HSD11B1L: variants seen among roughly 807,000 people sequenced by gnomAD.
HSD11B1L encodes the protein hydroxysteroid 11-beta-dehydrogenase 1-like protein.
A neutral mutation model predicts 27.0 loss-of-function variants in HSD11B1L; 22 were observed. The observed-to-expected ratio is 0.81, with a 90% CI of 0.58 to 1.16. The LOEUF is 1.16. Among genes scored for constraint, HSD11B1L ranks in the 50% most tolerant of loss-of-function variants. The pLI is 0.00. For missense variants in HSD11B1L, 372 were observed against 401.8 expected (o/e 0.93, Z 0.63); for synonymous variants, 187 against 189.2 (o/e 0.99, Z 0.09).
At position 5,687,870 on chromosome 19, in the gene HSD11B1L, G is replaced by C. The variant is rs781314607; in HGVS notation, c.786G>C (p.Leu262Phe). The change falls in exon 8 of 8, where the codon TTG (leucine) becomes TTC (phenylalanine). Residue 262 changes from leucine to phenylalanine, a missense_variant. Leu to Phe is a conservative substitution (Grantham distance 22). Transcript: ENST00000339423. This position sits in a 1 kb window ranked among gnomAD's most constrained non-coding sequence, Gnocchi z 6.6. ...CGTGGCGTTTCCGCCTGCTGTGCTT[G>C]CTCCGGCGCTGGCTACCGCGCCCGC... ...FYPWRFRLLC[L>F]LRRWLPRPRA... is the part of the protein sequence containing the mutation. 2.7e-5 allele frequency: 43 copies of C among 1,580,348 alleles called. No individual in the cohort carries two copies. The highest frequency in any genetic ancestry group is 3.6e-5 in the Non-Finnish European group (42 of 1,164,304).
chr19:5,682,530 C>T (rs1386459100), intron 1 of HSD11B1L, among the ~76,000 whole-genome samples: 1 of 152,012 alleles, frequency 6.6e-6, no homozygotes, highest in East Asian at 1.9e-4. Context: ...GAGGACAATA[C>T]CTGGGTCTCC....
In HSD11B1L at chr19:5,687,312, T is replaced by C. The variant is rs1360072918; in HGVS notation, c.439T>C (p.Ser147Pro). Residue 147 changes from serine (S) to proline (P), a missense_variant, in exon 6 of 8, where the codon TCG becomes CCG. Coordinates refer to ENST00000339423, the MANE Select transcript of HSD11B1L (RefSeq NM_198706.3). This position sits in a 1 kb window ranked among gnomAD's most constrained non-coding sequence, Gnocchi z 6.6. The stretch of plus-strand genomic sequence containing the variant: ...CTTTGTGAGCTACGTGCAACTGACG[T>C]CGCGGGCGCTGCCCAGCCTGACGGA... ...VNFVSYVQLT[S>P]RALPSLTDSK... is the part of the protein sequence containing the mutation. The C allele has an allele frequency of 1.9e-6, 3 of 1,612,666 alleles. No homozygotes were observed. In the Admixed American group the frequency reaches 5.0e-5, roughly 27 times the overall value.
intron 1 of HSD11B1L, chr19:5,684,044 C>T (rs1054173078): frequency 3.5e-5 from 17 of 485,566 alleles, no homozygotes; most frequent in African/African-American, 1.4e-4. Context: ...TGGCAAATCT[C>T]GGCACACTAC....
rs2054692547 is a variant in HSD11B1L at position 5,686,416 on chromosome 19, G to C, written c.205G>C (p.Val69Leu). The change falls in exon 4 of 8, where the codon GTG becomes CTG. Residue 69 changes from valine to leucine, a missense_variant and splice_region_variant. Coordinates refer to ENST00000339423, the MANE Select transcript of HSD11B1L (RefSeq NM_198706.3). ...CACGGGCAGCTCTGGCCCCCCCCAGGTGGTAGGGAACTGCCGGAAGCTGGG... is the reference window on the plus strand; with the variant it reads ...CACGGGCAGCTCTGGCCCCCCCCAGCTGGTAGGGAACTGCCGGAAGCTGGG... ...TAHTEALLQK[V>L]VGNCRKLGAP... 1.3e-6 allele frequency: 2 copies of C among 1,565,482 alleles called. No individual in the cohort carries two copies. Among genetic ancestry groups the C allele is most frequent in the Non-Finnish European group, 1.7e-6 (2 of 1,155,524 alleles).
chr19:5,686,008 T>G (rs955243349), intron 3 of HSD11B1L, among the ~76,000 whole-genome samples: 1 of 152,178 alleles, frequency 6.6e-6, no homozygotes, highest in African/African-American at 2.4e-5. Context: ...ATGAGAGTAT[T>G]GAGTGTCCAG....
At position 5,688,058 on chromosome 19, in the gene HSD11B1L, A is replaced by C; in HGVS notation, c.*113A>C. 6.4e-7 allele frequency: 1 copy of C among 1,551,562 alleles called. No homozygotes were observed. The highest frequency in any genetic ancestry group is 8.7e-7 in the Non-Finnish European group (1 of 1,146,982). On this transcript the variant is annotated 3_prime_UTR_variant, in exon 8 of 8. Transcript: ENST00000339423. ...GAGAGGGTGGCCACAGCCCAAGATG[A>C]AGTCATCAAGACAGAAAAGCAAAAC... is the stretch of plus-strand genomic sequence containing the variant.
At position 5,686,411 on chromosome 19, in the gene HSD11B1L, C is replaced by G. The variant is rs752901141; in HGVS notation, c.205-5C>G. 25 of 1,557,654 alleles carry G rather than the reference C, an allele frequency of 1.6e-5. No individual in the cohort carries two copies. The highest frequency in any genetic ancestry group is 1.8e-4 in the Middle Eastern group (1 of 5,554). On this transcript the variant is annotated splice_polypyrimidine_tract_variant and splice_region_variant and intron_variant, in intron 3 of 7. Transcript: ENST00000339423. ...AGGCCCACGGGCAGCTCTGGCCCCC[C>G]CCAGGTGGTAGGGAACTGCCGGAAG...
rs1278451607 is a variant in HSD11B1L at position 5,687,794 on chromosome 19, C to G, written c.710C>G (p.Ala237Gly). 2 of 1,510,034 alleles carry G rather than the reference C, an allele frequency of 1.3e-6. No individual in the cohort carries two copies. Among genetic ancestry groups the G allele is most frequent in the Admixed American group, 2.3e-5 (1 of 44,064 alleles). 93.5% of individuals were successfully genotyped at this position (1,510,034 alleles called of 1,614,324 possible). The change falls in exon 8 of 8, where the codon GCC becomes GGC. Residue 237 changes from alanine to glycine, a missense_variant. Coordinates refer to ENST00000339423, the MANE Select transcript of HSD11B1L (RefSeq NM_198706.3). This position sits in a 1 kb window ranked among gnomAD's most constrained non-coding sequence, Gnocchi z 6.6. ...RVKAAPGPKA[A>G]LAVIRGGATR... ...AAGGCGGCCCCGGGGCCCAAGGCAGCCCTGGCCGTGATCCGCGGCGGCGCC... is the reference window on the plus strand; with the variant it reads ...AAGGCGGCCCCGGGGCCCAAGGCAGGCCTGGCCGTGATCCGCGGCGGCGCC...
Position 5,687,504 on chromosome 19 carries a change from C to A in HSD11B1L, c.504C>A (p.Gly168=). 6.3e-7 allele frequency: 1 copy of A among 1,595,860 alleles called. No homozygotes were observed. The highest frequency in any genetic ancestry group is 8.5e-7 in the Non-Finnish European group (1 of 1,177,370). The change falls in exon 7 of 8, where the codon GGC becomes GGA. Residue 168 remains glycine, a splice_region_variant and synonymous_variant. Transcript: ENST00000339423. This position sits in a 1 kb window ranked among gnomAD's most constrained non-coding sequence, Gnocchi z 6.6. ...GSLVVVSSLL[G]RVPTSFSTPY... ...AGCCGCTGCCGTCCGCGCCCCCAGGCCGCGTGCCCACGTCGTTCTCCACTC... is the reference window on the plus strand; with the variant it reads ...AGCCGCTGCCGTCCGCGCCCCCAGGACGCGTGCCCACGTCGTTCTCCACTC...
chr19:5,683,502 A>G (rs8102068), intron 1 of HSD11B1L, among the ~76,000 whole-genome samples: 5,826 of 152,266 alleles, frequency 0.038, 401 homozygotes, highest in African/African-American at 0.13. Flanking sequence ...TGGGCCCTGA[A>G]GACCCAATAG....
In HSD11B1L at chr19:5,687,063, C is replaced by T. The variant is rs963122358; in HGVS notation, c.408+72C>T. ...CCGGTGGTCCGTTCCCTTCGCGGTCCGGGTTCTGCCTTCTCCAGGGAGGGC... is the reference window on the plus strand; with the variant it reads ...CCGGTGGTCCGTTCCCTTCGCGGTCTGGGTTCTGCCTTCTCCAGGGAGGGC... On this transcript the variant is annotated intron_variant, in intron 5 of 7. Coordinates refer to ENST00000339423, the MANE Select transcript of HSD11B1L (RefSeq NM_198706.3). This position sits in a 1 kb window ranked among gnomAD's most constrained non-coding sequence, Gnocchi z 6.6. The T allele has an allele frequency of 1.5e-6, 2 of 1,357,498 alleles. No individual in the cohort carries two copies. The highest frequency in any genetic ancestry group is 2.0e-6 in the Non-Finnish European group (2 of 989,464). The allele number at this position is 1,357,498 out of a possible 1,614,324, so 84.1% of individuals were successfully genotyped here.
At chr19:5,682,196 CCT>C (rs2054572746) in intron 1 of HSD11B1L, among the ~76,000 whole-genome samples, 1 of 152,134 alleles carries the variant, frequency 6.6e-6, no homozygotes. Context: ...AGTGGGGACC[CCT>C]GAGAGGGTTT....
intron 4 of HSD11B1L, 46 bp downstream of exon 4, chr19:5,686,573 G>A: frequency 2.1e-6 from 3 of 1,456,792 alleles, no homozygotes; most frequent in Non-Finnish European, 1.9e-6. Flanking sequence ...CGTGGCCTAG[G>A]CCTTAGGGAC....
Position 5,688,295 on chromosome 19 carries a change from G to A in HSD11B1L, c.*350G>A, listed in dbSNP as rs1015652164. The A allele has an allele frequency of 5.8e-5, 57 of 983,944 alleles. No individual in the cohort carries two copies. The highest frequency in any genetic ancestry group is 9.9e-5 in the African/African-American group (6 of 60,838). The allele number at this position is 983,944 out of a possible 1,614,324, so 61.0% of individuals were successfully genotyped here. A position where few individuals can be genotyped will look rare whatever the true frequency, so the allele number is the denominator to read the frequency against. ...GGACCCCTCTCCATCTCCTGCCTGCGCCTTTAAGTCCCTGATTTATTCTTT... is the reference window on the plus strand; with the variant it reads ...GGACCCCTCTCCATCTCCTGCCTGCACCTTTAAGTCCCTGATTTATTCTTT... On this transcript the variant is annotated 3_prime_UTR_variant, in exon 8 of 8. Transcript: ENST00000339423.
In HSD11B1L at chr19:5,686,535, G is replaced by T. The variant is rs752071310; in HGVS notation, c.316+8G>T. The T allele has an allele frequency of 6.4e-7, 1 of 1,565,790 alleles. No homozygotes were observed. Among genetic ancestry groups the T allele is most frequent in the Admixed American group, 1.9e-5 (1 of 51,414 alleles). On this transcript the variant is annotated splice_region_variant and intron_variant, in intron 4 of 7. Coordinates refer to ENST00000339423, the MANE Select transcript of HSD11B1L (RefSeq NM_198706.3). ...TTGCGCTGGACAAGCTGGGTGAGGG[G>T]CTGGGCCTGAAGCCTGGAGTCCGGG...
Position 5,687,699 on chromosome 19 carries a change from G to A in HSD11B1L, c.668+31G>A, listed in dbSNP as rs1375255504. 32 of 1,531,314 alleles carry A rather than the reference G, an allele frequency of 2.1e-5. No individual in the cohort carries two copies. The highest frequency in any genetic ancestry group is 2.7e-5 in the Non-Finnish European group (31 of 1,147,614). 94.9% of individuals were successfully genotyped at this position (1,531,314 alleles called of 1,614,324 possible). A position where few individuals can be genotyped will look rare whatever the true frequency, so the allele number is the denominator to read the frequency against. On this transcript the variant is annotated intron_variant, in intron 7 of 7. Coordinates refer to ENST00000339423, the MANE Select transcript of HSD11B1L (RefSeq NM_198706.3). The surrounding 1 kb of genome is among the most constrained non-coding windows in gnomAD (Gnocchi z 6.6). ...GCCCGGACAAGCTGGGGGCTGGGCTGGGGGCCATGGCCCAGCCCCAGCCGC... is the reference window on the plus strand; with the variant it reads ...GCCCGGACAAGCTGGGGGCTGGGCTAGGGGCCATGGCCCAGCCCCAGCCGC...
In HSD11B1L at chr19:5,684,879, A is replaced by G; in HGVS notation, c.47A>G (p.Tyr16Cys). 6.2e-7 allele frequency: 1 copy of G among 1,613,824 alleles called. No homozygotes were observed. The highest frequency in any genetic ancestry group is 8.5e-7 in the Non-Finnish European group (1 of 1,179,978). The change falls in exon 2 of 8, where the codon TAT (tyrosine) becomes TGT (cysteine). Residue 16 changes from tyrosine to cysteine, a missense_variant. Tyr to Cys is a radical substitution (Grantham distance 194). Transcript: ENST00000339423. ...GGGCTGGGGGCCCTGTTCTTCGCCT[A>G]TTATTGGGATGACAACTTCGACCCA... ...LTGLGALFFAYYWDDNFDPAS... is the reference protein window; with the variant it reads ...LTGLGALFFACYWDDNFDPAS...
chr19:5,686,559 G>T, intron 4 of HSD11B1L, 32 bp downstream of exon 4: 1 of 1,520,936 alleles, frequency 6.6e-7, no homozygotes, highest in East Asian at 2.4e-5. Flanking sequence ...CTGGAGTCCG[G>T]GACCGTGGCC....
In HSD11B1L at chr19:5,687,680, A is replaced by G. The variant is rs1333281174; in HGVS notation, c.668+12A>G. 2 of 1,567,168 alleles carry G rather than the reference A, an allele frequency of 1.3e-6. No homozygotes were observed. Among genetic ancestry groups the G allele is most frequent in the Admixed American group, 3.7e-5 (2 of 54,388 alleles). On this transcript the variant is annotated intron_variant, in intron 7 of 7. Transcript: ENST00000339423. The surrounding 1 kb of genome is among the most constrained non-coding windows in gnomAD (Gnocchi z 6.6). ...GCCGAGGCAGTCAGGTGAGGCCCGG[A>G]CAAGCTGGGGGCTGGGCTGGGGGCC...
Sources: gnomAD v4.1 joint callset for allele counts (sites outside exome capture counted in the v4.1 genomes callset) on GRCh38, gnomAD v4.1.1 for gene constraint, Gnocchi (gnomAD v3.1) non-coding constraint, MANE v1.5 for transcripts, NCBI Gene and HGNC (gene_info 2026-07-23, HGNC 2026-07-21) for gene names.